The following NECTIN1 variants were observed in gnomAD, a reference collection of about 807,000 sequenced individuals.
NECTIN1 encodes the protein nectin-1.
In NECTIN1, 23 loss-of-function variants were observed where a neutral mutation model predicts 48.0. The ratio of observed to expected loss-of-function variants is 0.48; its 90% CI spans 0.34 to 0.68. NECTIN1 has a LOEUF of 0.68. Among genes scored for constraint, NECTIN1 ranks in the 30% least tolerant of loss-of-function variants. The pLI is 0.01. For missense variants in NECTIN1, 591 were observed against 709.9 expected (o/e 0.83, Z 1.90); for synonymous variants, 270 against 288.9 (o/e 0.93, Z 0.66).
chr11:119,670,673 G>A (rs1298767998), intron 5 of NECTIN1, among the ~76,000 whole-genome samples: 1 of 118,730 alleles, frequency 8.4e-6, no homozygotes, highest in African/African-American at 3.2e-5. Context: ...TTGAGACAGA[G>A]TCTCGCTCCA....
chr11:119,711,565 G>A (rs1432954969), intron 1 of NECTIN1, among the ~76,000 whole-genome samples: 1 of 152,106 alleles, frequency 6.6e-6, no homozygotes, highest in Non-Finnish European at 1.5e-5. Flanking sequence ...CTCAGGTGCT[G>A]GGTGAGGGGA....
intron 1 of NECTIN1, among the ~76,000 whole-genome samples, chr11:119,697,521 C>T (rs550364486): frequency 6.4e-4 from 97 of 152,318 alleles, no homozygotes; most frequent in African/African-American, 2.1e-3. Context: ...AGAATTCTGG[C>T]AGCAAGTTAT....
rs1307076585 is a variant in NECTIN1 at position 119,661,235 on chromosome 11, C to CA, written c.*3511dup. On this transcript the variant is annotated 3_prime_UTR_variant, in exon 6 of 6. Coordinates refer to ENST00000264025, the MANE Select transcript of NECTIN1 (RefSeq NM_002855.5). ...TTCTCCTGGATTCTTTTCATTTATA[C>CA]AAAAAAGGAAAACCAATTTTTTCGA... 2 of 985,650 alleles carry CA rather than the reference C, an allele frequency of 2.0e-6. No individual in the cohort carries two copies. The highest frequency in any genetic ancestry group is 1.1e-4 in the East Asian group (1 of 8,814). 61.1% of individuals were successfully genotyped at this position (985,650 alleles called of 1,614,324 possible).
At chr11:119,680,522 C>T (rs939223033) in intron 1 of NECTIN1, among the ~76,000 whole-genome samples, 4 of 152,222 alleles carry the variant, frequency 2.6e-5, no homozygotes, top group Non-Finnish European at 4.4e-5. Flanking sequence ...ACACAGGCTC[C>T]TCTGAGGGCC....
At chr11:119,699,913 T>C (rs972149292) in intron 1 of NECTIN1, among the ~76,000 whole-genome samples, 3 of 152,176 alleles carry the variant, frequency 2.0e-5, no homozygotes, top group Middle Eastern at 3.4e-3. Context: ...TCTAGCTCTG[T>C]GGAAAAATCA....
In NECTIN1 at chr11:119,664,729, G is replaced by C. The variant is rs1212709511; in HGVS notation, c.*18C>G. The C allele has an allele frequency of 3.1e-6, 5 of 1,597,156 alleles. No individual in the cohort carries two copies. Among genetic ancestry groups the C allele is most frequent in the Non-Finnish European group, 4.3e-6 (5 of 1,170,628 alleles). On this transcript the variant is annotated 3_prime_UTR_variant, in exon 6 of 6. Transcript: ENST00000264025. ...GGCTGGGGAGGAGCGGTCACAGACA[G>C]AGGCTCTGGAAGGGGGGCTACACGT...
At chr11:119,716,952 T>A (rs1471711056) in intron 1 of NECTIN1, among the ~76,000 whole-genome samples, 1 of 152,118 alleles carries the variant, frequency 6.6e-6, no homozygotes, top group Non-Finnish European at 1.5e-5. Flanking sequence ...ATAAAAACAC[T>A]TGTAAAGAAA....
At chr11:119,674,640 A>G (rs754932749) in intron 5 of NECTIN1, 2 of 1,614,192 alleles carry the variant, frequency 1.2e-6, no homozygotes, top group Middle Eastern at 1.6e-4. Context: ...AGATAAGTTG[A>G]CAGAAAGCTG....
At chr11:119,649,212 C>T (rs1864455158) in intron 5 of NECTIN1, among the ~76,000 whole-genome samples, 1 of 152,132 alleles carries the variant, frequency 6.6e-6, no homozygotes, top group Non-Finnish European at 1.5e-5. Flanking sequence ...AACCCCGTCT[C>T]AACTAAACAC....
rs1282580972 is a variant in NECTIN1 at position 119,727,568 on chromosome 11, G to C, written c.79+907C>G. Among the ~76,000 whole-genome samples the C allele has an allele frequency of 6.6e-6, 1 of 152,188 alleles. No homozygotes were observed. Among genetic ancestry groups the C allele is most frequent in the East Asian group, 1.9e-4 (1 of 5,180 alleles). ...CAGGCGAGGGGACTCGGTCGGATTT[G>C]CCTCCTAAACGCATTTTCCAGTTCA... On this transcript the variant is annotated intron_variant, in intron 1 of 5. Transcript: ENST00000264025. This position sits in a 1 kb window ranked among gnomAD's most constrained non-coding sequence, Gnocchi z 4.1.
intron 5 of NECTIN1, chr11:119,642,434 A>C (rs866320278): frequency 1.3e-5 from 2 of 153,014 alleles, no homozygotes; most frequent in Non-Finnish European, 2.9e-5. Context: ...GGTTGGCCCC[A>C]CATGGAATCC....
chr11:119,721,229 G>A (rs1237785447), intron 1 of NECTIN1, among the ~76,000 whole-genome samples: 1 of 152,248 alleles, frequency 6.6e-6, no homozygotes, highest in Admixed American at 6.5e-5. Context: ...CCCCAGAACA[G>A]CCCTGGAGGG....
chr11:119,694,013 T>C (rs537273915), intron 1 of NECTIN1, among the ~76,000 whole-genome samples: 1 of 152,298 alleles, frequency 6.6e-6, no homozygotes, highest in African/African-American at 2.4e-5. Flanking sequence ...GTGAATTTTG[T>C]GTATAAACAG....
At chr11:119,669,891 G>C (rs1171280686) in intron 5 of NECTIN1, among the ~76,000 whole-genome samples, 2 of 151,800 alleles carry the variant, frequency 1.3e-5, no homozygotes, top group African/African-American at 4.8e-5. Context: ...CACTCCACCT[G>C]TGTGGTCCCT....
rs1865927616 is a variant in NECTIN1 at position 119,727,444 on chromosome 11, C to G, written c.79+1031G>C. On this transcript the variant is annotated intron_variant, in intron 1 of 5. Coordinates refer to ENST00000264025, the MANE Select transcript of NECTIN1 (RefSeq NM_002855.5). The surrounding 1 kb of genome is among the most constrained non-coding windows in gnomAD (Gnocchi z 4.1). ...CTGCAGGTCGTCTCTGGTTTCTACC[C>G]AGAGAGCTGGAGGAACTCCCCACAC... 6.6e-6 allele frequency among the ~76,000 whole-genome samples: 1 copy of G among 152,178 alleles called. No individual in the cohort carries two copies. The highest frequency in any genetic ancestry group is 6.5e-5 in the Admixed American group (1 of 15,286).
chr11:119,712,635 C>A (rs924819973), intron 1 of NECTIN1, among the ~76,000 whole-genome samples: 2 of 152,144 alleles, frequency 1.3e-5, no homozygotes, highest in Non-Finnish European at 2.9e-5. Context: ...CCCTCCCTTT[C>A]CCCAGCCACC....
intron 5 of NECTIN1, among the ~76,000 whole-genome samples, chr11:119,647,646 AG>A (rs1864415794): frequency 6.7e-6 from 1 of 149,976 alleles, no homozygotes; most frequent in South Asian, 2.1e-4. Context: ...TCCTTAATGG[AG>A]GGGGTGGCGG....
chr11:119,662,955 C>CTGCT lies in NECTIN1; in HGVS notation c.*1788_*1791dup, dbSNP rs938058179. On this transcript the variant is annotated 3_prime_UTR_variant, in exon 6 of 6. Coordinates refer to ENST00000264025, the MANE Select transcript of NECTIN1 (RefSeq NM_002855.5). The surrounding 1 kb of genome is among the most constrained non-coding windows in gnomAD (Gnocchi z 5.3). ...TGAGGGCCAGACAACGACGACCCAC[C>CTGCT]TGCTGGGCCCAGGGTTGCCAGGGCA... 1.4e-5 allele frequency: 14 copies of CTGCT among 974,148 alleles called. No individual in the cohort carries two copies. The highest frequency in any genetic ancestry group is 5.5e-5 in the African/African-American group (3 of 54,754). The allele number at this position is 974,148 out of a possible 1,614,324, so 60.3% of individuals were successfully genotyped here.
intron 1 of NECTIN1, chr11:119,687,285 G>A (rs1205953967): frequency 6.6e-6 from 1 of 152,058 alleles, no homozygotes; most frequent in Non-Finnish European, 1.5e-5. Flanking sequence ...AGACCATAAG[G>A]TGACAAACAT....
Sources: gnomAD v4.1 joint callset for allele counts (sites outside exome capture counted in the v4.1 genomes callset) on GRCh38, gnomAD v4.1.1 for gene constraint, Gnocchi (gnomAD v3.1) non-coding constraint, MANE v1.5 for transcripts, NCBI Gene and HGNC (gene_info 2026-07-23, HGNC 2026-07-21) for gene names.